Variants in GUCA1C observed in about 807,000 individuals in gnomAD.
The protein encoded by GUCA1C is guanylate cyclase activator 1C.
GUCA1C carries 15 observed loss-of-function variants against 16.2 expected under a neutral mutation model. The ratio of observed to expected loss-of-function variants is 0.93; its 90% CI spans 0.62 to 1.43. The LOEUF is 1.43. GUCA1C is among the 40% of genes most tolerant of loss of function. The pLI, the probability that GUCA1C is intolerant of heterozygous loss-of-function variation, is 0.00. For missense variants in GUCA1C, 275 were observed against 244.8 expected (o/e 1.12, Z -0.82); for synonymous variants, 78 against 85.4 (o/e 0.91, Z 0.48).
At chr3:108,930,334 C>G (rs1230194001) in intron 1 of GUCA1C, among the ~76,000 whole-genome samples, 2 of 152,150 alleles carry the variant, frequency 1.3e-5, no homozygotes, top group East Asian at 3.9e-4. Flanking sequence ...TAAAGTGTTA[C>G]GTGTTTGACT....
At chr3:108,911,077 T>C (rs1368100048) in intron 3 of GUCA1C, among the ~76,000 whole-genome samples, 7 of 152,216 alleles carry the variant, frequency 4.6e-5, no homozygotes, top group African/African-American at 1.7e-4. Context: ...GCATTCTGTA[T>C]GTCTGGGGAC....
chr3:108,937,156 C>G (rs1458338463), intron 1 of GUCA1C, among the ~76,000 whole-genome samples: 2 of 152,200 alleles, frequency 1.3e-5, no homozygotes, highest in African/African-American at 4.8e-5. Context: ...CACCCACACT[C>G]TCGGCCAGGA....
chr3:108,911,777 A>T lies in GUCA1C; in HGVS notation c.443-3568T>A, dbSNP rs931819734. ...ATCAATAACATTTATTTGTGTCCTG[A>T]CTTTGTTCTTTTTACCCAAAATATC... On this transcript the variant is annotated intron_variant, in intron 3 of 3. Transcript: ENST00000261047. 2.0e-5 allele frequency among the ~76,000 whole-genome samples: 3 copies of T among 152,022 alleles called. No individual in the cohort carries two copies. The East Asian group carries it at 5.8e-4, about 29-fold the overall frequency.
chr3:108,915,486 G>C (rs2107277745), intron 3 of GUCA1C, among the ~76,000 whole-genome samples: 1 of 152,276 alleles, frequency 6.6e-6, no homozygotes, highest in Middle Eastern at 3.4e-3. Flanking sequence ...CTCTTGGGCT[G>C]TCTGTGTCTT....
At chr3:108,925,829 G>T (rs1055388620) in intron 1 of GUCA1C, among the ~76,000 whole-genome samples, 5 of 152,194 alleles carry the variant, frequency 3.3e-5, no homozygotes, top group African/African-American at 4.8e-5. Context: ...GCTCACGCCT[G>T]TAATCCCAGC....
chr3:108,917,959 C>T (rs572806946), intron 2 of GUCA1C, among the ~76,000 whole-genome samples: 100 of 152,282 alleles, frequency 6.6e-4, no homozygotes, highest in African/African-American at 2.4e-3. Flanking sequence ...GCAGGAGAAT[C>T]GCTTGAATCC....
At chr3:108,916,807 T>C (rs1946522703) in intron 2 of GUCA1C, among the ~76,000 whole-genome samples, 1 of 152,058 alleles carries the variant, frequency 6.6e-6, no homozygotes, top group African/African-American at 2.4e-5. Context: ...GTAGCCAGCC[T>C]CCCCTAACTC....
At chr3:108,932,323 C>CAAAAA (rs71106610) in intron 1 of GUCA1C, among the ~76,000 whole-genome samples, 2 of 102,040 alleles carry the variant, frequency 2.0e-5, no homozygotes, top group Non-Finnish European at 1.9e-5. Flanking sequence ...GACCTCCCAC[C>CAAAAA]AAAAAAAAAA....
intron 2 of GUCA1C, among the ~76,000 whole-genome samples, chr3:108,916,725 C>T (rs1412770967): frequency 1.3e-5 from 2 of 152,154 alleles, no homozygotes; most frequent in African/African-American, 4.8e-5. Context: ...CTTAGAAGGG[C>T]CCTGAATTTC....
At chr3:108,920,943 CA>C (rs1559841979) in intron 1 of GUCA1C, among the ~76,000 whole-genome samples, 1 of 152,168 alleles carries the variant, frequency 6.6e-6, no homozygotes, top group Non-Finnish European at 1.5e-5. Context: ...ACTGACACAT[CA>C]TCATCACCCA....
intron 3 of GUCA1C, among the ~76,000 whole-genome samples, chr3:108,910,573 C>T (rs1706416068): frequency 6.6e-6 from 1 of 151,776 alleles, no homozygotes; most frequent in East Asian, 1.9e-4. Context: ...GATCATGGGA[C>T]TTAGAAGTAA....
chr3:108,936,819 A>G (rs1946732057), intron 1 of GUCA1C, among the ~76,000 whole-genome samples: 1 of 152,194 alleles, frequency 6.6e-6, no homozygotes, highest in Non-Finnish European at 1.5e-5. Context: ...GCCTGGGTAC[A>G]ATAATCTGCT....
rs374370737 is a variant in GUCA1C at position 108,943,116 on chromosome 3, C to A, written c.204+10443G>T. On this transcript the variant is annotated intron_variant, in intron 1 of 3. Coordinates refer to ENST00000261047, the MANE Select transcript of GUCA1C (RefSeq NM_005459.4). ...CATAAACAAAAGATTTAGAAGAATG[C>A]ATAATTAGAGAGAGTTTTTCTAGTT... Among the ~76,000 whole-genome samples the A allele has an allele frequency of 1.1e-4, 16 of 152,154 alleles. No homozygotes were observed. The East Asian group carries it at 3.1e-3, about 29-fold the overall frequency.
At chr3:108,949,666 T>C (rs1054097255) in intron 1 of GUCA1C, among the ~76,000 whole-genome samples, 3 of 152,204 alleles carry the variant, frequency 2.0e-5, no homozygotes, top group African/African-American at 7.2e-5. Flanking sequence ...TTGTGACGGT[T>C]GAATGTATTC....
intron 2 of GUCA1C, among the ~76,000 whole-genome samples, chr3:108,917,917 C>A (rs900196592): frequency 1.3e-5 from 2 of 151,994 alleles, no homozygotes; most frequent in Non-Finnish European, 2.9e-5. Flanking sequence ...TGGTGGCGGG[C>A]GCCTGTAATC....
At chr3:108,915,982 G>A (rs1946506011) in intron 3 of GUCA1C, 145 bp downstream of exon 3, 1 of 806,548 alleles carries the variant, frequency 1.2e-6, no homozygotes, top group Non-Finnish European at 1.9e-6. Flanking sequence ...ATCATACTGA[G>A]AACATTGGAT....
intron 1 of GUCA1C, among the ~76,000 whole-genome samples, chr3:108,934,693 A>G (rs138341193): frequency 0.025 from 3,778 of 152,304 alleles, 70 homozygotes; most frequent in Non-Finnish European, 0.039. Flanking sequence ...GCCGAAAAAC[A>G]GAACAAAATC....
rs191161405 is a variant in GUCA1C, at chr3:108,922,876, A to G, written c.205-2291T>C. On this transcript the variant is annotated intron_variant, in intron 1 of 3. Coordinates refer to ENST00000261047, the MANE Select transcript of GUCA1C (RefSeq NM_005459.4). ...TGTGTCCATGTGTTCTCATTGTTCAACTCCCACTTATGAGTGAGAACATGA... is the reference window on the plus strand; with the variant it reads ...TGTGTCCATGTGTTCTCATTGTTCAGCTCCCACTTATGAGTGAGAACATGA... 1.1e-3 allele frequency among the ~76,000 whole-genome samples: 171 copies of G among 151,684 alleles called. 1 individual carries two copies. In the East Asian group the frequency reaches 0.028, roughly 25 times the overall value.
At chr3:108,945,005 C>T (rs531795700) in intron 1 of GUCA1C, among the ~76,000 whole-genome samples, 1 of 152,312 alleles carries the variant, frequency 6.6e-6, no homozygotes, top group African/African-American at 2.4e-5. Flanking sequence ...GGGCCAGGTG[C>T]TCCTTCATCC....
Sources: gnomAD v4.1 joint callset for allele counts (sites outside exome capture counted in the v4.1 genomes callset) on GRCh38, gnomAD v4.1.1 for gene constraint, MANE v1.5 for transcripts, NCBI Gene and HGNC (gene_info 2026-07-23, HGNC 2026-07-21) for gene names.